Variants in N4BP2L1 observed in about 807,000 individuals in gnomAD.
N4BP2L1 encodes the protein NEDD4 binding protein 2 like 1.
A neutral mutation model predicts 21.2 loss-of-function variants in N4BP2L1; 12 were observed. The ratio of observed to expected loss-of-function variants is 0.57; its 90% CI spans 0.36 to 0.92. The LOEUF is 0.92. N4BP2L1 is among the 40% of genes least tolerant of loss of function. The probability of loss-of-function intolerance (pLI) is 0.01; values close to 1 mark genes in which losing one functional copy is unlikely to be tolerated. For synonymous variants in N4BP2L1, 104 were observed against 112.8 expected (o/e 0.92, Z 0.49); for missense variants, 259 against 310.6 (o/e 0.83, Z 1.25).
intron 1 of N4BP2L1, among the ~76,000 whole-genome samples, chr13:32,410,416 C>T (rs2073791142): frequency 6.6e-6 from 1 of 152,100 alleles, no homozygotes. Flanking sequence ...CATTGAAGGG[C>T]GAGGAAAGTA....
Position 32,402,287 on chromosome 13 carries a change from C to T in N4BP2L1, c.*655G>A, listed in dbSNP as rs139071851. ...ACTTTAAATAATGACACTGATTTCC[C>T]TCAGTAGCTCCTGTAGCTATTAAGG... On this transcript the variant is annotated 3_prime_UTR_variant, in exon 5 of 5. Transcript: ENST00000380130. The T allele has an allele frequency of 5.3e-5, 32 of 609,416 alleles. No individual in the cohort carries two copies. In the East Asian group the frequency reaches 3.7e-3, roughly 70 times the overall value. The allele number at this position is 609,416 out of a possible 1,614,324, so 37.8% of individuals were successfully genotyped here.
At chr13:32,403,794 A>G (rs1280062345) in intron 4 of N4BP2L1, 1 of 526,212 alleles carries the variant, frequency 1.9e-6, no homozygotes, top group Admixed American at 2.0e-5. Flanking sequence ...CCTTACTCCT[A>G]AGAAGTAAAT....
chr13:32,419,475 T>TCTCTTATACACATC, intron 1 of N4BP2L1: 2 of 345,874 alleles, frequency 5.8e-6, no homozygotes, highest in Admixed American at 3.7e-5. Context: ...TTTCACTATG[T>TCTCTTATACACATC]TGGCTAGGCT....
At chr13:32,412,641 CAA>C (rs777196869) in intron 1 of N4BP2L1, among the ~76,000 whole-genome samples, 47 of 100,990 alleles carry the variant, frequency 4.7e-4, no homozygotes, top group Admixed American at 5.2e-4. Context: ...TCAACTGTCT[CAA>C]AAAAAAAAAA....
At chr13:32,406,868 G>A (rs997889129) in intron 3 of N4BP2L1, 12 of 201,380 alleles carry the variant, frequency 6.0e-5, no homozygotes, top group Admixed American at 1.1e-4. Flanking sequence ...AGGCAGAACC[G>A]TCCTGTTGTG....
chr13:32,427,640 A>T (rs2138038389), intron 1 of N4BP2L1, among the ~76,000 whole-genome samples: 1 of 151,976 alleles, frequency 6.6e-6, no homozygotes, highest in South Asian at 2.1e-4. Context: ...GCGCGGCGGG[A>T]AACAAACAGG....
chr13:32,428,757 A>T (rs1300347141), upstream of N4BP2L1, among the ~76,000 whole-genome samples: 2 of 152,294 alleles, frequency 1.3e-5, no homozygotes, highest in East Asian at 3.8e-4. Context: ...GAACAGTAGC[A>T]TAAGGGCTAC....
chr13:32,422,671 G>A (rs1169618893), intron 1 of N4BP2L1, among the ~76,000 whole-genome samples: 2 of 152,094 alleles, frequency 1.3e-5, no homozygotes, highest in African/African-American at 2.4e-5. Context: ...CCTCTCCAAT[G>A]AGCAAGAACA....
At chr13:32,407,530 G>A (rs760070940) in intron 2 of N4BP2L1, 115 bp downstream of exon 2, 2 of 1,596,234 alleles carry the variant, frequency 1.3e-6, no homozygotes, top group Non-Finnish European at 8.5e-7. Flanking sequence ...TGTTTTGGGG[G>A]AAAAATTGGC....
In N4BP2L1 at chr13:32,401,288, C is replaced by G. The variant is rs1286159684; in HGVS notation, c.*1654G>C. 1 of 152,122 alleles carries G rather than the reference C, an allele frequency of 6.6e-6. No homozygotes were observed. Among genetic ancestry groups the G allele is most frequent in the Non-Finnish European group, 1.5e-5 (1 of 68,030 alleles). The allele number at this position is 152,122 out of a possible 1,614,324, so 9.4% of individuals were successfully genotyped here. A position where few individuals can be genotyped will look rare whatever the true frequency, so the allele number is the denominator to read the frequency against. ...CCAAGATACCCAGGACTACCTGGGC[C>G]TGGAAAATGGGAGCATTATTAAGTA... is the stretch of plus-strand genomic sequence containing the variant. On this transcript the variant is annotated 3_prime_UTR_variant, in exon 5 of 5. Transcript: ENST00000380130.
chr13:32,407,513 G>C, intron 2 of N4BP2L1, 132 bp downstream of exon 2: 1 of 1,588,308 alleles, frequency 6.3e-7, no homozygotes, highest in Non-Finnish European at 8.5e-7. Context: ...GTTATGCTCT[G>C]GTGTTCTGTT....
At chr13:32,423,061 A>G (rs558346222) in intron 1 of N4BP2L1, among the ~76,000 whole-genome samples, 2 of 152,232 alleles carry the variant, frequency 1.3e-5, no homozygotes, top group Admixed American at 6.5e-5. Context: ...GGGTCCAACT[A>G]CTCACTACTT....
chr13:32,417,554 A>C (rs2074220663), intron 1 of N4BP2L1, among the ~76,000 whole-genome samples: 1 of 152,204 alleles, frequency 6.6e-6, no homozygotes, highest in African/African-American at 2.4e-5. Context: ...GTATGTCTTT[A>C]TTAGCAGTGT....
In N4BP2L1 at chr13:32,407,260, T is replaced by C; in HGVS notation, c.386A>G (p.Tyr129Cys). 2.5e-6 allele frequency: 4 copies of C among 1,614,112 alleles called. No homozygotes were observed. Among genetic ancestry groups the C allele is most frequent in the African/African-American group, 2.7e-5 (2 of 75,064 alleles). The change falls in exon 3 of 5, where the codon TAT (tyrosine) becomes TGT (cysteine). Residue 129 changes from tyrosine to cysteine, a missense_variant. By Grantham distance (194) the Tyr-to-Cys change is radical. This residue lies in a region of N4BP2L1 where 91 missense variants were observed against 148.1 expected (regional missense o/e 0.61). Transcript: ENST00000380130. ...TNLHAWEMKP[Y>C]AVMALENNYE... is the part of the protein sequence containing the mutation. ...GATACTTCTTCCTACCATGACTGCA[T>C]AGGGCTTCATTTCCCAGGCGTGGAG... is the stretch of plus-strand genomic sequence containing the variant.
chr13:32,425,075 T>C (rs1046039499), intron 1 of N4BP2L1: 2 of 152,246 alleles, frequency 1.3e-5, no homozygotes, highest in South Asian at 2.1e-4. Flanking sequence ...ATAGAAAATT[T>C]GGAAAATACA....
chr13:32,405,104 G>C (rs1436965507), intron 3 of N4BP2L1, among the ~76,000 whole-genome samples: 3 of 152,120 alleles, frequency 2.0e-5, no homozygotes, highest in African/African-American at 7.2e-5. Flanking sequence ...TTCTTGAGAT[G>C]GGCGCTTCTC....
intron 1 of N4BP2L1, chr13:32,425,388 C>G (rs2074708866): frequency 6.6e-6 from 1 of 152,270 alleles, no homozygotes; most frequent in Non-Finnish European, 1.5e-5. Flanking sequence ...GCTCTGCTCC[C>G]AGAACTGCCA....
chr13:32,415,367 T>A (rs1414398320), intron 1 of N4BP2L1, among the ~76,000 whole-genome samples: 1 of 152,220 alleles, frequency 6.6e-6, no homozygotes, highest in African/African-American at 2.4e-5. Flanking sequence ...TTTGCAACAG[T>A]CTTTCCAGGA....
At chr13:32,428,410 C>G (rs1430625337), upstream of N4BP2L1, 1 of 208,318 alleles carries the variant, frequency 4.8e-6, no homozygotes, top group Non-Finnish European at 9.5e-6. Context: ...GGGACACTTC[C>G]CCGGCCTGGA....
Sources: gnomAD v4.1 joint callset for allele counts (sites outside exome capture counted in the v4.1 genomes callset) on GRCh38, gnomAD v4.1.1 for gene constraint, gnomAD v4.1.1 regional missense constraint, MANE v1.5 for transcripts, NCBI Gene and HGNC (gene_info 2026-07-23, HGNC 2026-07-21) for gene names.